UNC5D: variants seen among roughly 807,000 people sequenced by gnomAD.
UNC5D encodes netrin receptor UNC5D.
UNC5D carries 39 observed loss-of-function variants against 105.4 expected under a neutral mutation model. The observed-to-expected ratio is 0.37, with a 90% CI of 0.29 to 0.48. The LOEUF is 0.48. Ranked by LOEUF, UNC5D falls within the 20% of genes least tolerant of loss-of-function variation. The probability of loss-of-function intolerance (pLI) is 0.98; values close to 1 mark genes in which losing one functional copy is unlikely to be tolerated. For missense variants in UNC5D, 991 were observed against 1,202.4 expected, an observed-to-expected ratio of 0.82 and a Z score of 2.60; for synonymous variants, 452 against 450.4, an observed-to-expected ratio of 1.00 and a Z score of -0.04.
At chr8:35,639,475 T>C (rs1822576815) in intron 4 of UNC5D, among the ~76,000 whole-genome samples, 1 of 152,178 alleles carries the variant, frequency 6.6e-6, no homozygotes, top group East Asian at 1.9e-4. Flanking sequence ...AGTCATAATA[T>C]GGTGAATTTA....
chr8:35,243,075 G>A (rs866439794), intron 1 of UNC5D, among the ~76,000 whole-genome samples: 2 of 152,126 alleles, frequency 1.3e-5, no homozygotes, highest in Non-Finnish European at 2.9e-5. Context: ...TGCACATTCT[G>A]ATTTAATAAA....
At chr8:35,246,801 C>T (rs879003724) in intron 1 of UNC5D, among the ~76,000 whole-genome samples, 1 of 152,006 alleles carries the variant, frequency 6.6e-6, no homozygotes, top group East Asian at 1.9e-4. Context: ...TAATTATCTT[C>T]GCTTGAGCTG....
chr8:35,603,293 A>G (rs1237649056), intron 4 of UNC5D, among the ~76,000 whole-genome samples: 1 of 151,982 alleles, frequency 6.6e-6, no homozygotes, highest in African/African-American at 2.4e-5. Flanking sequence ...TCTTCATTTC[A>G]TTATGTACCC....
intron 4 of UNC5D, among the ~76,000 whole-genome samples, chr8:35,658,714 C>T (rs2131219867): frequency 6.8e-6 from 1 of 146,914 alleles, no homozygotes; most frequent in Admixed American, 6.9e-5. Context: ...TGCAGTGGCG[C>T]GACCTCGGCT....
intron 7 of UNC5D, 77 bp from the exon 8 acceptor site, chr8:35,705,850 TAA>T: frequency 1.1e-6 from 1 of 885,650 alleles, no homozygotes; most frequent in African/African-American, 1.7e-5. Flanking sequence ...GAGGTAGATA[TAA>T]AGTGAAACAG....
chr8:35,447,146 G>T (rs1448349717), intron 1 of UNC5D, among the ~76,000 whole-genome samples: 2 of 152,138 alleles, frequency 1.3e-5, no homozygotes, highest in South Asian at 2.1e-4. Flanking sequence ...AAGTTTTCAT[G>T]GTGGCACAGA....
At chr8:35,529,999 A>G (rs1359212822) in intron 1 of UNC5D, among the ~76,000 whole-genome samples, 89 of 150,634 alleles carry the variant, frequency 5.9e-4, no homozygotes, top group African/African-American at 2.1e-3. Context: ...AAACAGGGAC[A>G]ATTTGACTTC....
chr8:35,546,343 T>G (rs1815677571), intron 1 of UNC5D, among the ~76,000 whole-genome samples: 1 of 152,308 alleles, frequency 6.6e-6, no homozygotes, highest in East Asian at 1.9e-4. Flanking sequence ...GAGGGGAACT[T>G]AATTGCTTTT....
At chr8:35,735,047 G>A (rs1279494576) in intron 11 of UNC5D, among the ~76,000 whole-genome samples, 1 of 151,994 alleles carries the variant, frequency 6.6e-6, no homozygotes. Context: ...CAAAGTGCTG[G>A]GATTACAGGC....
chr8:35,438,427 C>T (rs1180562112), intron 1 of UNC5D, among the ~76,000 whole-genome samples: 1 of 151,974 alleles, frequency 6.6e-6, no homozygotes, highest in Non-Finnish European at 1.5e-5. Context: ...ATCATTCCAA[C>T]TCAGATGGTT....
intron 3 of UNC5D, among the ~76,000 whole-genome samples, chr8:35,588,573 G>A (rs2130872397): frequency 6.6e-6 from 1 of 152,252 alleles, no homozygotes; most frequent in African/African-American, 2.4e-5. Flanking sequence ...CCTCTTAATT[G>A]TTTGTTTAAT....
rs968034532 is a variant in UNC5D at position 35,590,519 on chromosome 8, C to A, written c.467-5035C>A. On this transcript the variant is annotated intron_variant, in intron 3 of 16. Transcript: ENST00000404895. ...TATGTGTCACTTTAATCATATCCTG[C>A]ATTATTCTTTTTATTTAAGTGTCTC... Among the ~76,000 whole-genome samples, 3 of 152,060 alleles carry A rather than the reference C, an allele frequency of 2.0e-5. No individual in the cohort carries two copies. The South Asian group carries it at 6.2e-4, about 31-fold the overall frequency.
At chr8:35,268,034 T>C (rs1000293600) in intron 1 of UNC5D, among the ~76,000 whole-genome samples, 2 of 152,180 alleles carry the variant, frequency 1.3e-5, no homozygotes, top group African/African-American at 4.8e-5. Context: ...ATTTAAAAGT[T>C]AGAGTTTGGA....
intron 1 of UNC5D, among the ~76,000 whole-genome samples, chr8:35,471,913 A>G (rs947454190): frequency 6.6e-6 from 1 of 152,190 alleles, no homozygotes; most frequent in Non-Finnish European, 1.5e-5. Flanking sequence ...CAACCATGCA[A>G]TGACTAAATA....
At chr8:35,285,541 T>C (rs1806531284) in intron 1 of UNC5D, among the ~76,000 whole-genome samples, 1 of 152,236 alleles carries the variant, frequency 6.6e-6, no homozygotes, top group African/African-American at 2.4e-5. Context: ...GCATTTAATT[T>C]GCTATCATGT....
intron 1 of UNC5D, chr8:35,525,318 TC>T (rs1813785671): frequency 6.2e-7 from 1 of 1,612,128 alleles, no homozygotes; most frequent in African/African-American, 1.3e-5. Context: ...TTTACAGTTT[TC>T]CACTTGATAT....
At chr8:35,552,101 A>AT (rs1816198453) in intron 2 of UNC5D, among the ~76,000 whole-genome samples, 2 of 152,198 alleles carry the variant, frequency 1.3e-5, no homozygotes, top group Admixed American at 1.3e-4. Flanking sequence ...AATTGGAATT[A>AT]GTAGGAGGAA....
chr8:35,727,452 C>G (rs756214715), intron 10 of UNC5D: 2 of 152,216 alleles, frequency 1.3e-5, no homozygotes, highest in African/African-American at 2.4e-5. Flanking sequence ...CCTCTCAAAT[C>G]GAGCATTTCA....
chr8:35,712,104 C>G (rs756825813), intron 8 of UNC5D, among the ~76,000 whole-genome samples: 1 of 152,124 alleles, frequency 6.6e-6, no homozygotes, highest in South Asian at 2.1e-4. Flanking sequence ...AACCCCATCT[C>G]TACTAAAAAT....
Sources: allele counts gnomAD v4.1 joint callset (sites outside exome capture counted in the v4.1 genomes callset), GRCh38; gene constraint gnomAD v4.1.1; transcripts MANE v1.5; gene names NCBI Gene and HGNC (gene_info 2026-07-23, HGNC 2026-07-21).